Variants in IL4R observed in about 807,000 individuals in gnomAD.
IL4R encodes interleukin 4 receptor.
IL4R carries 17 observed loss-of-function variants against 41.5 expected under a neutral mutation model. That is an observed-to-expected ratio of 0.41 (90% CI 0.28 to 0.61). The LOEUF (loss-of-function observed/expected upper bound fraction) is 0.61. Ranked by LOEUF, IL4R falls within the 20% of genes least tolerant of loss-of-function variation. The pLI, the probability that IL4R is intolerant of heterozygous loss-of-function variation, is 0.31. For synonymous variants in IL4R, 402 were observed against 422.9 expected, an observed-to-expected ratio of 0.95 and a Z score of 0.61; for missense variants, 974 against 1,043.1, an observed-to-expected ratio of 0.93 and a Z score of 0.91.
rs71387789 is a variant in IL4R, at chr16:27,351,510, C to CT, written c.514-1011dup. 2.2e-3 allele frequency among the ~76,000 whole-genome samples: 262 copies of CT among 118,544 alleles called. 1 individual carries two copies. Among genetic ancestry groups the CT allele is most frequent in the African/African-American group, 7.3e-3 (238 of 32,438 alleles). 77.8% of individuals were successfully genotyped at this position (118,544 alleles called of 152,430 possible). On this transcript the variant is annotated intron_variant, in intron 6 of 10. Transcript: ENST00000395762. ...ATCACTGTGCCATCTCTCTCTCTCT[C>CT]TTTTTTTTTTTTTTTTTTTCCGAGA...
chr16:27,322,449 T>A (rs2084841329), intron 1 of IL4R, among the ~76,000 whole-genome samples: 1 of 152,130 alleles, frequency 6.6e-6, no homozygotes, highest in African/African-American at 2.4e-5. Context: ...AGTGCTGGGA[T>A]TACAGGCATG....
At chr16:27,326,527 A>G (rs957448115) in intron 1 of IL4R, among the ~76,000 whole-genome samples, 49 of 152,112 alleles carry the variant, frequency 3.2e-4, no homozygotes, top group African/African-American at 1.1e-3. Context: ...TTATTCGAGC[A>G]TGGTGGTGTG....
In IL4R at chr16:27,358,987, A is replaced by G; in HGVS notation, c.842A>G (p.Asp281Gly). The change falls in exon 9 of 11, where the codon GAT becomes GGT. Residue 281 changes from aspartate to glycine, a missense_variant. This residue lies in a region of IL4R where 682 missense variants were observed against 704.3 expected (regional missense o/e 0.97). Coordinates refer to ENST00000395762, the MANE Select transcript of IL4R (RefSeq NM_000418.4). ...RSRLVAIIIQDAQGSQWEKRS... is the reference protein window; with the variant it reads ...RSRLVAIIIQGAQGSQWEKRS... ...CGCCTCGTGGCTATAATAATCCAGG[A>G]TGCTCAGGTAGGAGTAGGCGTGGAT... The G allele has an allele frequency of 6.2e-7, 1 of 1,613,218 alleles. No individual in the cohort carries two copies.
intron 1 of IL4R, 56 bp downstream of exon 1, chr16:27,314,076 CGG>C: frequency 1.0e-6 from 1 of 984,998 alleles, no homozygotes; most frequent in Non-Finnish European, 1.2e-6. Context: ...CCGGGCACGC[CGG>C]CTGAGGGCGT....
intron 1 of IL4R, chr16:27,314,301 G>A (rs933014296): frequency 1.5e-5 from 3 of 203,462 alleles, no homozygotes; most frequent in Non-Finnish European, 2.6e-5. Flanking sequence ...GGCCTGCGGG[G>A]GTGGGGGGCT....
Position 27,352,846 on chromosome 16 carries a change from T to G in IL4R, c.670+150T>G, listed in dbSNP as rs184601316. 28 of 751,852 alleles carry G rather than the reference T, an allele frequency of 3.7e-5. No homozygotes were observed. The East Asian group carries it at 7.3e-4, about 20-fold the overall frequency. 46.6% of individuals were successfully genotyped at this position (751,852 alleles called of 1,614,324 possible). On this transcript the variant is annotated intron_variant, in intron 7 of 10. Transcript: ENST00000395762. ...CATTAGATACACCTGCCGTGGTGTA[T>G]CTGCCAGGTAGGCAGGCTAGGCTGC...
intron 1 of IL4R, chr16:27,314,327 G>C (rs1016452457): frequency 6.3e-6 from 1 of 159,748 alleles, no homozygotes; most frequent in African/African-American, 2.4e-5. Flanking sequence ...TTAGGCTGTC[G>C]GAGGCCACGC....
At chr16:27,326,372 A>G (rs1397691974) in intron 1 of IL4R, among the ~76,000 whole-genome samples, 1 of 152,206 alleles carries the variant, frequency 6.6e-6, no homozygotes, top group Non-Finnish European at 1.5e-5. Flanking sequence ...TGGACACGGC[A>G]GCTCATGCCT....
Position 27,342,257 on chromosome 16 carries a change from C to G in IL4R, c.207C>G (p.Ser69=), listed in dbSNP as rs575619134. 3 of 1,613,988 alleles carry G rather than the reference C, an allele frequency of 1.9e-6. No homozygotes were observed. In the African/African-American group the frequency reaches 4.0e-5, roughly 22 times the overall value. The change falls in exon 4 of 11, where the codon TCC becomes TCG. Residue 69 remains serine, a splice_region_variant and synonymous_variant. Coordinates refer to ENST00000395762, the MANE Select transcript of IL4R (RefSeq NM_000418.4). ...RLLYQLVFLL[S]EAHTCIPENN... The stretch of plus-strand genomic sequence containing the variant: ...TGTACCAGCTGGTTTTTCTGCTCTC[C>G]GAGTAAGCCTGCGCTGGAGCTGGAG...
intron 1 of IL4R, chr16:27,318,569 T>A (rs1331487824): frequency 6.6e-6 from 1 of 152,302 alleles, no homozygotes; most frequent in African/African-American, 2.4e-5. Flanking sequence ...CGTTCTTGCC[T>A]TTCCAAGAAG....
chr16:27,351,536 C>T (rs952229714), intron 6 of IL4R, among the ~76,000 whole-genome samples: 8 of 130,994 alleles, frequency 6.1e-5, no homozygotes, highest in African/African-American at 2.3e-4. Context: ...TTTTCCGAGA[C>T]GAAGTCGTCA....
At chr16:27,342,292 G>A (rs1346692279) in intron 4 of IL4R, 33 bp downstream of exon 4, 3 of 1,613,266 alleles carry the variant, frequency 1.9e-6, no homozygotes, top group Non-Finnish European at 2.5e-6. Context: ...GGTTTGGGGA[G>A]GTTGTGCCCA....
At chr16:27,355,965 C>T (rs749254822) in intron 8 of IL4R, 58 bp downstream of exon 8, 11 of 1,193,850 alleles carry the variant, frequency 9.2e-6, no homozygotes, top group Non-Finnish European at 1.2e-5. Flanking sequence ...GTGGCAGGGA[C>T]TTGCCCCTCT....
chr16:27,323,966 GCTT>G (rs1312011602), intron 1 of IL4R, among the ~76,000 whole-genome samples: 1 of 151,802 alleles, frequency 6.6e-6, no homozygotes, highest in Non-Finnish European at 1.5e-5. Flanking sequence ...GCCTTCAAGT[GCTT>G]TTTTTTGTTA....
chr16:27,324,566 C>T (rs925857589), intron 1 of IL4R, among the ~76,000 whole-genome samples: 2 of 152,158 alleles, frequency 1.3e-5, no homozygotes, highest in African/African-American at 4.8e-5. Flanking sequence ...ACACATAAGG[C>T]CCGAGTGTGC....
At chr16:27,333,477 C>G (rs1230082499) in intron 2 of IL4R, among the ~76,000 whole-genome samples, 1 of 152,090 alleles carries the variant, frequency 6.6e-6, no homozygotes, top group Admixed American at 6.6e-5. Context: ...CTGATTCTAG[C>G]TCTGACCTTT....
intron 6 of IL4R, among the ~76,000 whole-genome samples, chr16:27,348,445 T>G (rs995743124): frequency 6.6e-6 from 1 of 152,222 alleles, no homozygotes; most frequent in Non-Finnish European, 1.5e-5. Context: ...TATTTCTAGA[T>G]CTGCCTTCAG....
At chr16:27,321,365 G>C (rs994509063) in intron 1 of IL4R, among the ~76,000 whole-genome samples, 1 of 152,164 alleles carries the variant, frequency 6.6e-6, no homozygotes, top group Non-Finnish European at 1.5e-5. Flanking sequence ...AGTTATTTCA[G>C]GTATTCTCCC....
chr16:27,355,291 C>T (rs533653552), intron 7 of IL4R: 17 of 286,260 alleles, frequency 5.9e-5, no homozygotes, highest in East Asian at 2.6e-4. Flanking sequence ...GAGAATGTGA[C>T]GATGAAAGTG....
Sources: allele counts gnomAD v4.1 joint callset (sites outside exome capture counted in the v4.1 genomes callset), GRCh38; gene constraint gnomAD v4.1.1; regional missense constraint gnomAD v4.1.1; transcripts MANE v1.5; gene names NCBI Gene and HGNC (gene_info 2026-07-23, HGNC 2026-07-21).